The following ADGRB3 variants were observed in gnomAD, a reference collection of about 807,000 sequenced individuals.
The protein encoded by ADGRB3 is adhesion G protein-coupled receptor B3.
A neutral mutation model predicts 193.4 loss-of-function variants in ADGRB3; 37 were observed. The ratio of observed to expected loss-of-function variants is 0.19; its 90% CI spans 0.15 to 0.25. The LOEUF is 0.25. ADGRB3 is among the 10% of genes least tolerant of loss of function. The pLI, the probability that ADGRB3 is intolerant of heterozygous loss-of-function variation, is 1.00. For missense variants in ADGRB3, 1,637 were observed against 1,852.9 expected, an observed-to-expected ratio of 0.88 and a Z score of 2.14; for synonymous variants, 690 against 644.2, an observed-to-expected ratio of 1.07 and a Z score of -1.08.
At chr6:68,800,553 G>A (rs1767291604) in intron 3 of ADGRB3, among the ~76,000 whole-genome samples, 1 of 152,076 alleles carries the variant, frequency 6.6e-6, no homozygotes, top group Non-Finnish European at 1.5e-5. Context: ...AAATATTCAG[G>A]ACAAGGAGGT....
At chr6:69,308,815 G>A (rs918764869) in intron 20 of ADGRB3, among the ~76,000 whole-genome samples, 11 of 151,574 alleles carry the variant, frequency 7.3e-5, no homozygotes, top group African/African-American at 4.8e-5. Flanking sequence ...TCCAGCCATC[G>A]TGTAAACATT....
intron 20 of ADGRB3, among the ~76,000 whole-genome samples, chr6:69,258,205 A>G (rs2127271390): frequency 6.6e-6 from 1 of 152,336 alleles, no homozygotes; most frequent in South Asian, 2.1e-4. Context: ...AAAAGAAAAA[A>G]ATTCCTAGAG....
At chr6:68,728,183 A>G (rs1484554713) in intron 3 of ADGRB3, among the ~76,000 whole-genome samples, 1 of 151,524 alleles carries the variant, frequency 6.6e-6, no homozygotes, top group African/African-American at 2.4e-5. Flanking sequence ...TTGACAGAGT[A>G]CACTAAAGGG....
intron 26 of ADGRB3, among the ~76,000 whole-genome samples, chr6:69,349,256 A>G (rs1204632740): frequency 1.3e-4 from 20 of 152,222 alleles, no homozygotes; most frequent in Admixed American, 1.2e-3. Context: ...CAGATCATGG[A>G]CATGACATAT....
intron 3 of ADGRB3, among the ~76,000 whole-genome samples, chr6:68,765,689 A>G (rs1477153413): frequency 6.6e-6 from 1 of 152,054 alleles, no homozygotes; most frequent in Non-Finnish European, 1.5e-5. Context: ...TGAAAAGCTT[A>G]TAATTTTATT....
chr6:69,232,650 C>T lies in ADGRB3; in HGVS notation c.2481-640C>T, dbSNP rs992427300. ...CTTAGGTCTGAAACCCACCCCTCCC[C>T]TGGATACCAGGCAAAGGCAATGAGA... On this transcript the variant is annotated intron_variant, in intron 17 of 31. Coordinates refer to ENST00000370598, the MANE Select transcript of ADGRB3 (RefSeq NM_001704.3). The T allele has an allele frequency of 2.9e-5, 44 of 1,530,994 alleles. No individual in the cohort carries two copies. In the African/African-American group the frequency reaches 5.3e-4, roughly 19 times the overall value. 94.8% of individuals were successfully genotyped at this position (1,530,994 alleles called of 1,614,324 possible).
chr6:68,998,431 C>T (rs1201924965), intron 11 of ADGRB3, among the ~76,000 whole-genome samples: 5 of 150,826 alleles, frequency 3.3e-5, no homozygotes, highest in African/African-American at 1.2e-4. Context: ...AAAAGAGTAT[C>T]ACTTCTATTT....
At chr6:69,247,603 T>C (rs1472804742) in intron 20 of ADGRB3, among the ~76,000 whole-genome samples, 4 of 152,210 alleles carry the variant, frequency 2.6e-5, no homozygotes, top group Non-Finnish European at 5.9e-5. Context: ...TTTCATAGCA[T>C]GTGATACATA....
intron 16 of ADGRB3, among the ~76,000 whole-genome samples, chr6:69,073,208 A>G (rs1203384446): frequency 6.6e-6 from 1 of 152,178 alleles, no homozygotes; most frequent in African/African-American, 2.4e-5. Flanking sequence ...ATTATACTGT[A>G]GGAGCATAGT....
chr6:68,934,581 A>G (rs1287788305), intron 4 of ADGRB3, among the ~76,000 whole-genome samples: 1 of 152,144 alleles, frequency 6.6e-6, no homozygotes, highest in Admixed American at 6.6e-5. Flanking sequence ...CTGACTTTTA[A>G]TTAATAACAT....
chr6:69,002,709 A>C (rs1206285729), intron 11 of ADGRB3, among the ~76,000 whole-genome samples: 1 of 152,180 alleles, frequency 6.6e-6, no homozygotes, highest in Non-Finnish European at 1.5e-5. Context: ...GCAACTATTA[A>C]TATGATAATA....
intron 30 of ADGRB3, among the ~76,000 whole-genome samples, chr6:69,372,879 C>T (rs1377546170): frequency 6.6e-6 from 1 of 151,838 alleles, no homozygotes; most frequent in Non-Finnish European, 1.5e-5. Context: ...GTTTCATGTT[C>T]TGATTCCTGC....
intron 3 of ADGRB3, among the ~76,000 whole-genome samples, chr6:68,764,818 G>T (rs536348406): frequency 6.6e-6 from 1 of 152,204 alleles, no homozygotes; most frequent in Admixed American, 6.5e-5. Flanking sequence ...TTTCAACATG[G>T]TGCGTGGCCT....
rs989108261 is a variant in ADGRB3, at chr6:68,776,099, A to G, written c.757+136667A>G. Among the ~76,000 whole-genome samples, 3 of 152,258 alleles carry G rather than the reference A, an allele frequency of 2.0e-5. No individual in the cohort carries two copies. The South Asian group carries it at 6.2e-4, about 32-fold the overall frequency. ...TCATGATCCAGAGACTGTGACAAAC[A>G]TAGGCTCTGTTTCTGCAACAGCTTC... On this transcript the variant is annotated intron_variant, in intron 3 of 31. Transcript: ENST00000370598.
intron 3 of ADGRB3, among the ~76,000 whole-genome samples, chr6:68,880,908 G>A (rs1562069082): frequency 6.6e-6 from 1 of 151,928 alleles, no homozygotes; most frequent in Non-Finnish European, 1.5e-5. Context: ...GAATATAAAG[G>A]AATATAAAGC....
chr6:68,647,205 T>C (rs1561982029), intron 3 of ADGRB3, among the ~76,000 whole-genome samples: 1 of 152,238 alleles, frequency 6.6e-6, no homozygotes. Context: ...TTTTTCATTA[T>C]GTTTAAAACT....
intron 28 of ADGRB3, among the ~76,000 whole-genome samples, chr6:69,357,476 T>G (rs1038687077): frequency 3.1e-4 from 47 of 152,134 alleles, no homozygotes; most frequent in African/African-American, 1.1e-3. Flanking sequence ...CTTCTAAGTC[T>G]TTATTCAAAC....
At chr6:68,711,125 C>A (rs1223387670) in intron 3 of ADGRB3, among the ~76,000 whole-genome samples, 1 of 152,100 alleles carries the variant, frequency 6.6e-6, no homozygotes, top group African/African-American at 2.4e-5. Context: ...TTCTCTGCAT[C>A]CTCATGGAAC....
At chr6:69,104,057 T>C (rs1045242307) in intron 17 of ADGRB3, among the ~76,000 whole-genome samples, 3 of 152,130 alleles carry the variant, frequency 2.0e-5, no homozygotes, top group Admixed American at 6.6e-5. Context: ...TTATTATACT[T>C]TAAGTTTTAG....
Sources: allele counts gnomAD v4.1 joint callset (sites outside exome capture counted in the v4.1 genomes callset), GRCh38; gene constraint gnomAD v4.1.1; transcripts MANE v1.5; gene names NCBI Gene and HGNC (gene_info 2026-07-23, HGNC 2026-07-21).